NALF1: variants seen among roughly 807,000 people sequenced by gnomAD.
The protein encoded by NALF1 is family with sequence similarity 155 member A.
In NALF1, 3 loss-of-function variants were observed where a neutral mutation model predicts 48.4. The ratio of observed to expected loss-of-function variants is 0.06; its 90% CI spans 0.03 to 0.16. The LOEUF (loss-of-function observed/expected upper bound fraction) is 0.16, where lower values mean the gene tolerates loss of function less well. NALF1 is among the 10% of genes least tolerant of loss of function. The pLI, the probability that NALF1 is intolerant of heterozygous loss-of-function variation, is 1.00. For missense variants in NALF1, 526 were observed against 571.5 expected (o/e 0.92, Z 0.81); for synonymous variants, 262 against 245.7 (o/e 1.07, Z -0.62).
chr13:107,686,515 T>A (rs1881436787), intron 1 of NALF1, among the ~76,000 whole-genome samples: 1 of 152,074 alleles, frequency 6.6e-6, no homozygotes, highest in African/African-American at 2.4e-5. Flanking sequence ...TGCCTCAGCC[T>A]CCCGAGTAGC....
rs377030185 is a variant in NALF1, at chr13:107,536,745, T to C, written c.916-325990A>G. Among the ~76,000 whole-genome samples, 10 of 152,228 alleles carry C rather than the reference T, an allele frequency of 6.6e-5. No individual in the cohort carries two copies. In the East Asian group the frequency reaches 9.7e-4, roughly 15 times the overall value. On this transcript the variant is annotated intron_variant, in intron 1 of 2. Transcript: ENST00000375915. The stretch of plus-strand genomic sequence containing the variant: ...CATTACTGGGTATATACCCAAAGGA[T>C]TATAAATCATGCAGCTATAAAGGCA...
At chr13:107,536,217 A>T (rs544031405) in intron 1 of NALF1, among the ~76,000 whole-genome samples, 1 of 152,328 alleles carries the variant, frequency 6.6e-6, no homozygotes, top group South Asian at 2.1e-4. Flanking sequence ...AAAAGCCAAA[A>T]TTGACAAATG....
chr13:107,769,241 G>T (rs1187605837), intron 1 of NALF1, among the ~76,000 whole-genome samples: 4 of 148,716 alleles, frequency 2.7e-5, no homozygotes, highest in Admixed American at 1.3e-4. Flanking sequence ...ACATGCACAC[G>T]TATGTTTACT....
At chr13:107,194,636 GA>G (rs1879354905) in intron 2 of NALF1, among the ~76,000 whole-genome samples, 1 of 152,098 alleles carries the variant, frequency 6.6e-6, no homozygotes, top group Non-Finnish European at 1.5e-5. Flanking sequence ...GATAACATCA[GA>G]AAAACTCTTC....
chr13:107,235,145 G>A (rs546997628), intron 1 of NALF1, among the ~76,000 whole-genome samples: 31 of 152,136 alleles, frequency 2.0e-4, no homozygotes, highest in African/African-American at 5.1e-4. Flanking sequence ...ACCATTCATC[G>A]TTGTATAACT....
In NALF1 at chr13:107,647,352, T is replaced by C. The variant is rs1036936050; in HGVS notation, c.915+218330A>G. On this transcript the variant is annotated intron_variant, in intron 1 of 2. Coordinates refer to ENST00000375915, the MANE Select transcript of NALF1 (RefSeq NM_001080396.3). Reference sequence around the variant, plus strand: ...GTCCTTTTTTACCATACAGACAAGATGCATTTTCACTAAAAATATTCTACT... The same window carrying C: ...GTCCTTTTTTACCATACAGACAAGACGCATTTTCACTAAAAATATTCTACT... Among the ~76,000 whole-genome samples, 5 of 152,032 alleles carry C rather than the reference T, an allele frequency of 3.3e-5. No individual in the cohort carries two copies. In the East Asian group the frequency reaches 9.7e-4, roughly 29 times the overall value.
intron 1 of NALF1, among the ~76,000 whole-genome samples, chr13:107,329,986 G>A (rs1412034748): frequency 6.6e-6 from 1 of 152,092 alleles, no homozygotes; most frequent in African/African-American, 2.4e-5. Flanking sequence ...TGAGGTGTGC[G>A]AATGAAACAC....
At chr13:107,796,210 T>C (rs563890839) in intron 1 of NALF1, among the ~76,000 whole-genome samples, 9 of 152,290 alleles carry the variant, frequency 5.9e-5, no homozygotes, top group Non-Finnish European at 1.3e-4. Flanking sequence ...TCATTTCATG[T>C]GTTTTATGTA....
intron 1 of NALF1, among the ~76,000 whole-genome samples, chr13:107,258,075 T>G (rs764955763): frequency 6.6e-6 from 1 of 152,192 alleles, no homozygotes; most frequent in Non-Finnish European, 1.5e-5. Context: ...TGGGAGAAGA[T>G]AATTTGCTTC....
At chr13:107,397,720 T>C (rs1250924028) in intron 1 of NALF1, among the ~76,000 whole-genome samples, 2 of 152,256 alleles carry the variant, frequency 1.3e-5, no homozygotes, top group Non-Finnish European at 1.5e-5. Flanking sequence ...TAACCTATTA[T>C]AGTTTCCAAC....
intron 1 of NALF1, among the ~76,000 whole-genome samples, chr13:107,486,796 C>A (rs1299858553): frequency 6.6e-6 from 1 of 152,066 alleles, no homozygotes; most frequent in African/African-American, 2.4e-5. Context: ...ATTTCAACTC[C>A]CTGCTTTTGG....
At chr13:107,569,096 T>A (rs1405362122) in intron 1 of NALF1, among the ~76,000 whole-genome samples, 3 of 152,140 alleles carry the variant, frequency 2.0e-5, no homozygotes, top group Non-Finnish European at 4.4e-5. Context: ...GGCGTGGGAT[T>A]CATATAAAGT....
chr13:107,333,247 G>A (rs1307988351), intron 1 of NALF1, among the ~76,000 whole-genome samples: 3 of 152,138 alleles, frequency 2.0e-5, no homozygotes, highest in Admixed American at 2.0e-4. Flanking sequence ...TATAACCCAT[G>A]CCCAAATGAA....
At chr13:107,573,130 C>A (rs967231114) in intron 1 of NALF1, among the ~76,000 whole-genome samples, 16 of 152,174 alleles carry the variant, frequency 1.1e-4, no homozygotes, top group Admixed American at 2.6e-4. Context: ...CCCTGTTTAT[C>A]CTCCTGTGCT....
intron 1 of NALF1, among the ~76,000 whole-genome samples, chr13:107,546,502 A>G (rs1224775964): frequency 3.9e-5 from 6 of 152,168 alleles, no homozygotes. Context: ...TCATTTGTAG[A>G]TTCAAGTTCT....
intron 1 of NALF1, among the ~76,000 whole-genome samples, chr13:107,325,801 A>G (rs1448864891): frequency 6.9e-6 from 1 of 144,254 alleles, no homozygotes; most frequent in Non-Finnish European, 1.5e-5. Context: ...AGAGTGTGCC[A>G]CTGCATTCCA....
intron 1 of NALF1, among the ~76,000 whole-genome samples, chr13:107,496,670 G>C (rs1875347739): frequency 6.6e-6 from 1 of 152,178 alleles, no homozygotes; most frequent in South Asian, 2.1e-4. Flanking sequence ...AGACATACGT[G>C]AGACTGGGCA....
chr13:107,693,975 G>A (rs951701721), intron 1 of NALF1, among the ~76,000 whole-genome samples: 19 of 152,154 alleles, frequency 1.2e-4, no homozygotes, highest in African/African-American at 3.9e-4. Context: ...TACATGTAAC[G>A]TCACAGTATT....
At chr13:107,486,263 C>T (rs1885327887) in intron 1 of NALF1, among the ~76,000 whole-genome samples, 1 of 152,172 alleles carries the variant, frequency 6.6e-6, no homozygotes, top group Admixed American at 6.6e-5. Context: ...GCTGATTGGA[C>T]ACTATGGGCT....
Sources: gnomAD v4.1 joint callset for allele counts (sites outside exome capture counted in the v4.1 genomes callset) on GRCh38, gnomAD v4.1.1 for gene constraint, MANE v1.5 for transcripts, NCBI Gene and HGNC (gene_info 2026-07-23, HGNC 2026-07-21) for gene names.